The following ZNF407 variants were observed in gnomAD, a reference collection of about 807,000 sequenced individuals.
ZNF407 encodes the protein zinc finger protein 407.
ZNF407 carries 17 observed loss-of-function variants against 131.2 expected under a neutral mutation model. That is an observed-to-expected ratio of 0.13 (90% CI 0.09 to 0.19). ZNF407 has a LOEUF of 0.19. Ranked by LOEUF, ZNF407 falls within the 10% of genes least tolerant of loss-of-function variation. The pLI is 1.00. For synonymous variants in ZNF407, 1,156 were observed against 1,062.0 expected (o/e 1.09, Z -1.72); for missense variants, 2,681 against 2,830.6 (o/e 0.95, Z 1.20).
intron 8 of ZNF407, among the ~76,000 whole-genome samples, chr18:74,934,045 G>T (rs1023272818): frequency 2.0e-5 from 3 of 151,904 alleles, no homozygotes; most frequent in Admixed American, 6.6e-5. Flanking sequence ...CATTTTTGAT[G>T]GCTGGTCTAG....
chr18:74,756,029 G>A (rs1263663601), intron 3 of ZNF407, among the ~76,000 whole-genome samples: 2 of 149,902 alleles, frequency 1.3e-5, no homozygotes, highest in Non-Finnish European at 3.0e-5. Context: ...TAGTAGCTGG[G>A]ATTGCAGGTG....
At chr18:74,601,953 T>C (rs1379024898) in intron 1 of ZNF407, among the ~76,000 whole-genome samples, 1 of 152,216 alleles carries the variant, frequency 6.6e-6, no homozygotes, top group African/African-American at 2.4e-5. Flanking sequence ...TATGCATACA[T>C]ATCTGTATAC....
At chr18:75,062,926 CACCCAGTATTAA>C in intron 8 of ZNF407, 2 of 451,814 alleles carry the variant, frequency 4.4e-6, no homozygotes, top group South Asian at 9.8e-5. Context: ...GGGAAATGCA[CACCCAGTATTAA>C]CTGTGTGTGC....
At chr18:74,674,285 G>A (rs907006696) in intron 3 of ZNF407, among the ~76,000 whole-genome samples, 2 of 152,172 alleles carry the variant, frequency 1.3e-5, no homozygotes, top group African/African-American at 4.8e-5. Context: ...AGAACCACTT[G>A]TTAGAGATCC....
At chr18:74,854,971 T>TTTA (rs1224842499) in intron 4 of ZNF407, among the ~76,000 whole-genome samples, 1 of 152,230 alleles carries the variant, frequency 6.6e-6, no homozygotes, top group African/African-American at 2.4e-5. Flanking sequence ...GTTAGGCATT[T>TTTA]TTATTCTCAA....
intron 4 of ZNF407, among the ~76,000 whole-genome samples, chr18:74,869,094 T>C (rs1971052274): frequency 6.6e-6 from 1 of 152,304 alleles, no homozygotes; most frequent in Non-Finnish European, 1.5e-5. Flanking sequence ...GGAATGAAGG[T>C]GTAAGTGGGG....
intron 2 of ZNF407, among the ~76,000 whole-genome samples, chr18:74,637,252 A>T (rs1458216247): frequency 1.3e-5 from 2 of 152,224 alleles, no homozygotes; most frequent in Non-Finnish European, 2.9e-5. Flanking sequence ...TTCTTAATCC[A>T]TTAAGATTTA....
At chr18:74,714,945 G>A (rs961590796) in intron 3 of ZNF407, among the ~76,000 whole-genome samples, 2 of 152,098 alleles carry the variant, frequency 1.3e-5, no homozygotes, top group African/African-American at 2.4e-5. Flanking sequence ...GTTCTAGACA[G>A]GGCGTCGCTC....
At position 75,064,492 on chromosome 18, in the gene ZNF407, A is replaced by C. The variant is rs773123542; in HGVS notation, c.*24A>C. 14 of 1,456,458 alleles carry C rather than the reference A, an allele frequency of 9.6e-6. No homozygotes were observed. The East Asian group carries it at 3.2e-4, about 34-fold the overall frequency. The allele number at this position is 1,456,458 out of a possible 1,614,324, so 90.2% of individuals were successfully genotyped here. ...GAGACGCGCGGCACCTTTACTCAGC[A>C]CAGGGCAGGTGTGGGAAGGTCCAGC... On this transcript the variant is annotated 3_prime_UTR_variant, in exon 9 of 9. Transcript: ENST00000299687.
chr18:74,715,839 A>C (rs1371702422), intron 3 of ZNF407, among the ~76,000 whole-genome samples: 1 of 152,170 alleles, frequency 6.6e-6, no homozygotes, highest in Non-Finnish European at 1.5e-5. Flanking sequence ...TTTGACCTGG[A>C]GAAGGCTGTT....
At chr18:74,628,360 C>A (rs1412083901) in intron 1 of ZNF407, among the ~76,000 whole-genome samples, 1 of 152,126 alleles carries the variant, frequency 6.6e-6, no homozygotes, top group East Asian at 1.9e-4. Context: ...CTGTTATCAC[C>A]TCAGAAAGAA....
chr18:74,712,654 T>A (rs992338332), intron 3 of ZNF407, among the ~76,000 whole-genome samples: 3 of 152,186 alleles, frequency 2.0e-5, no homozygotes, highest in Non-Finnish European at 4.4e-5. Context: ...CAGGGTGTGA[T>A]GCATGTTGGA....
intron 1 of ZNF407, among the ~76,000 whole-genome samples, chr18:74,609,864 C>T (rs1158207540): frequency 6.6e-6 from 1 of 152,310 alleles, no homozygotes; most frequent in South Asian, 2.1e-4. Flanking sequence ...GGTAGTCACC[C>T]TAAGTATCCT....
At chr18:74,970,327 C>G (rs756420444) in intron 8 of ZNF407, among the ~76,000 whole-genome samples, 4 of 152,070 alleles carry the variant, frequency 2.6e-5, no homozygotes, top group South Asian at 2.1e-4. Flanking sequence ...CCAATGGTCC[C>G]GAAAGTCTTA....
chr18:75,020,304 G>A (rs1973093400), intron 8 of ZNF407, among the ~76,000 whole-genome samples: 1 of 119,492 alleles, frequency 8.4e-6, no homozygotes, highest in Non-Finnish European at 1.7e-5. Context: ...GTGTATATGT[G>A]TGTGTATGTG....
At chr18:74,704,536 A>G (rs1967579203) in intron 3 of ZNF407, among the ~76,000 whole-genome samples, 2 of 152,066 alleles carry the variant, frequency 1.3e-5, no homozygotes, top group African/African-American at 4.8e-5. Context: ...TTAATACATC[A>G]CCTCAGTAAA....
At chr18:74,926,704 G>A (rs1374606422) in intron 8 of ZNF407, among the ~76,000 whole-genome samples, 2 of 152,206 alleles carry the variant, frequency 1.3e-5, no homozygotes, top group Non-Finnish European at 2.9e-5. Context: ...TTGGGAGGCT[G>A]AGACAGGAGA....
At chr18:74,790,964 C>T (rs180801616) in intron 4 of ZNF407, among the ~76,000 whole-genome samples, 30 of 152,320 alleles carry the variant, frequency 2.0e-4, no homozygotes, top group African/African-American at 6.7e-4. Flanking sequence ...GTTATTTCTA[C>T]AACAGGGTTT....
At position 75,044,058 on chromosome 18, in the gene ZNF407, G is replaced by A. The variant is rs150750902; in HGVS notation, c.5429-19092G>A. Among the ~76,000 whole-genome samples, 420 of 152,170 alleles carry A rather than the reference G, an allele frequency of 2.8e-3. 5 individuals are homozygous for A. The highest frequency in any genetic ancestry group is 8.9e-3 in the African/African-American group (371 of 41,506). On this transcript the variant is annotated intron_variant, in intron 8 of 8. Transcript: ENST00000299687. ...ACTGAGATATGCAAATATGGTCAGC[G>A]TAAGATTTTAAACCCTGGGGCCACG...
Sources: allele counts gnomAD v4.1 joint callset (sites outside exome capture counted in the v4.1 genomes callset), GRCh38; gene constraint gnomAD v4.1.1; transcripts MANE v1.5; gene names NCBI Gene and HGNC (gene_info 2026-07-23, HGNC 2026-07-21).